SLC7A8: variants seen among roughly 807,000 people sequenced by gnomAD.
SLC7A8 encodes solute carrier family 7 member 8.
SLC7A8 carries 30 observed loss-of-function variants against 51.2 expected under a neutral mutation model. The observed-to-expected ratio is 0.59, with a 90% CI of 0.44 to 0.80. SLC7A8 has a LOEUF of 0.80. Ranked by LOEUF, SLC7A8 falls within the 30% of genes least tolerant of loss-of-function variation. The pLI is 0.00. For synonymous variants in SLC7A8, 257 were observed against 275.8 expected (o/e 0.93, Z 0.67); for missense variants, 612 against 674.4 (o/e 0.91, Z 1.03).
rs977109813 is a variant in SLC7A8 at position 23,128,464 on chromosome 14, G to A, written c.1264-268C>T. ...CCTCCTTGCCCATGTCCTCGCTCTT[G>A]GGTGTGGTTAGACAAGGCCTCATCA... is the stretch of plus-strand genomic sequence containing the variant. On this transcript the variant is annotated intron_variant, in intron 9 of 10. Transcript: ENST00000316902. This position sits in a 1 kb window ranked among gnomAD's most constrained non-coding sequence, Gnocchi z 4.3. 1.7e-6 allele frequency: 2 copies of A among 1,177,278 alleles called. No homozygotes were observed. Among genetic ancestry groups the A allele is most frequent in the Middle Eastern group, 2.0e-4 (1 of 4,992 alleles). The allele number at this position is 1,177,278 out of a possible 1,614,324, so 72.9% of individuals were successfully genotyped here.
rs2048566431 is a variant in SLC7A8 at position 23,125,400 on chromosome 14, C to T, written c.*1777G>A. 6.6e-6 allele frequency: 1 copy of T among 152,378 alleles called. No homozygotes were observed. The highest frequency in any genetic ancestry group is 2.1e-4 in the South Asian group (1 of 4,828). The allele number at this position is 152,378 out of a possible 1,614,324, so 9.4% of individuals were successfully genotyped here. A position where few individuals can be genotyped will look rare whatever the true frequency, so the allele number is the denominator to read the frequency against. On this transcript the variant is annotated 3_prime_UTR_variant, in exon 11 of 11. Transcript: ENST00000316902. The stretch of plus-strand genomic sequence containing the variant: ...AAAGAAATTATCATTAAGGTTCTAA[C>T]TCCATCCCCCAAAACAACCTTACAT...
chr14:23,141,106 G>A (rs35038963), intron 4 of SLC7A8, among the ~76,000 whole-genome samples: 2,724 of 46,558 alleles, frequency 0.059, 47 homozygotes, highest in Non-Finnish European at 0.22. Context: ...AACATAGTGA[G>A]ACTCCCATCT....
Position 23,165,705 on chromosome 14 carries a change from C to T in SLC7A8, c.357-269G>A, listed in dbSNP as rs2048946295. Among the ~76,000 whole-genome samples the T allele has an allele frequency of 6.6e-6, 1 of 152,154 alleles. No homozygotes were observed. The highest frequency in any genetic ancestry group is 2.4e-5 in the African/African-American group (1 of 41,442). On this transcript the variant is annotated intron_variant, in intron 2 of 10. Transcript: ENST00000316902. This position sits in a 1 kb window ranked among gnomAD's most constrained non-coding sequence, Gnocchi z 4.2. ...CATGATCTCTTCTCCATCACTGTGG[C>T]CACCAGCATCCAATGGTGGAAAAAC...
chr14:23,170,508 A>G (rs1021947564), intron 1 of SLC7A8, among the ~76,000 whole-genome samples: 1 of 151,800 alleles, frequency 6.6e-6, no homozygotes, highest in South Asian at 2.1e-4. Context: ...ACCCAGGCTG[A>G]AGTGCAGTGG....
At chr14:23,155,359 C>A (rs1327588763) in intron 3 of SLC7A8, 7 of 1,517,862 alleles carry the variant, frequency 4.6e-6, no homozygotes, top group Non-Finnish European at 6.2e-6. Flanking sequence ...ACTGCCCCAT[C>A]CCCTCCCCTC....
At chr14:23,150,339 A>C (rs2048835189) in intron 3 of SLC7A8, among the ~76,000 whole-genome samples, 1 of 152,132 alleles carries the variant, frequency 6.6e-6, no homozygotes, top group African/African-American at 2.4e-5. Context: ...TCGGGCGTGG[A>C]ACAAGTGAAC....
At position 23,126,498 on chromosome 14, in the gene SLC7A8, T is replaced by G. The variant is rs1594812460; in HGVS notation, c.*679A>C. 6.5e-6 allele frequency: 1 copy of G among 153,008 alleles called. No homozygotes were observed. 9.5% of individuals were successfully genotyped at this position (153,008 alleles called of 1,614,324 possible). On this transcript the variant is annotated 3_prime_UTR_variant, in exon 11 of 11. Transcript: ENST00000316902. The stretch of plus-strand genomic sequence containing the variant: ...TGCAGGAGGCAGGGGCAGGGCTGGG[T>G]TTCTGCAATCTGAACCTTTCTCAAT...
At chr14:23,130,190 G>A (rs2048619603) in intron 8 of SLC7A8, 1 of 166,194 alleles carries the variant, frequency 6.0e-6, no homozygotes, top group Admixed American at 6.1e-5. Context: ...AGGGAAGATT[G>A]TTAACAACAG....
chr14:23,131,940 A>G (rs55971090), intron 7 of SLC7A8, among the ~76,000 whole-genome samples: 1,638 of 151,798 alleles, frequency 0.011, 30 homozygotes, highest in African/African-American at 0.038. Flanking sequence ...TCCTCAAAGG[A>G]TGCAGATTCC....
At chr14:23,166,587 C>T (rs775139222) in intron 1 of SLC7A8, 47 bp from the exon 2 acceptor site, 57 of 1,600,482 alleles carry the variant, frequency 3.6e-5, no homozygotes, top group South Asian at 8.8e-5. Context: ...AGAGACAGGA[C>T]GGTTGGCAGG....
intron 7 of SLC7A8, among the ~76,000 whole-genome samples, chr14:23,131,999 A>ATTTTTTTTTTTTTTTTTTTTTTTTTT (rs1201371313): frequency 1.0e-5 from 1 of 98,196 alleles, no homozygotes. Context: ...AAAACACTCT[A>ATTTTTTTTTTTTTTTTTTTTTTTTTT]TTTTTTTTTT....
chr14:23,135,478 G>A (rs1310840950), intron 7 of SLC7A8, among the ~76,000 whole-genome samples: 2 of 150,882 alleles, frequency 1.3e-5, no homozygotes, highest in Non-Finnish European at 3.0e-5. Flanking sequence ...TGAGGCGGGC[G>A]GATCACGAGG....
intron 3 of SLC7A8, chr14:23,155,323 A>T (rs773959234): frequency 5.2e-6 from 8 of 1,535,284 alleles, no homozygotes; most frequent in Non-Finnish European, 8.7e-7. Context: ...CTTTTACCAA[A>T]CACTTCCAGC....
intron 4 of SLC7A8, among the ~76,000 whole-genome samples, chr14:23,141,344 C>T (rs903055930): frequency 1.3e-5 from 2 of 152,206 alleles, no homozygotes; most frequent in East Asian, 1.9e-4. Context: ...GAACAACAAA[C>T]ACTCAAACAT....
At chr14:23,141,708 C>T (rs2048747066) in intron 4 of SLC7A8, among the ~76,000 whole-genome samples, 1 of 152,218 alleles carries the variant, frequency 6.6e-6, no homozygotes, top group Non-Finnish European at 1.5e-5. Context: ...CCTGCATTGG[C>T]CTCCCAAAGT....
chr14:23,153,856 T>C (rs2048868465), intron 3 of SLC7A8, among the ~76,000 whole-genome samples: 1 of 152,124 alleles, frequency 6.6e-6, no homozygotes, highest in Non-Finnish European at 1.5e-5. Flanking sequence ...CACTCCTCCT[T>C]GTCTGTTCAG....
At chr14:23,170,861 G>T (rs1566373442) in intron 1 of SLC7A8, among the ~76,000 whole-genome samples, 1 of 151,920 alleles carries the variant, frequency 6.6e-6, no homozygotes, top group Non-Finnish European at 1.5e-5. Context: ...AAGTAGCTAG[G>T]ACTATGGGTG....
At position 23,139,616 on chromosome 14, in the gene SLC7A8, G is replaced by T. The variant is rs2048724323; in HGVS notation, c.789-69C>A. ...CACCCGCCTTGCCATGGAGTCCAGG[G>T]GGTGTCTTCTGTCTTTCTGCATGCG... On this transcript the variant is annotated intron_variant, in intron 5 of 10. Transcript: ENST00000316902. The T allele has an allele frequency of 3.2e-6, 5 of 1,548,384 alleles. No homozygotes were observed. In the Admixed American group the frequency reaches 7.7e-5, roughly 24 times the overall value.
intron 1 of SLC7A8, among the ~76,000 whole-genome samples, chr14:23,180,018 G>A (rs1215506577): frequency 6.6e-6 from 1 of 150,524 alleles, no homozygotes; most frequent in Non-Finnish European, 1.5e-5. Context: ...CAATTCTCCT[G>A]CCTCAGCCTC....
Sources: allele counts gnomAD v4.1 joint callset (sites outside exome capture counted in the v4.1 genomes callset), GRCh38; gene constraint gnomAD v4.1.1; non-coding constraint Gnocchi (gnomAD v3.1); transcripts MANE v1.5; gene names NCBI Gene and HGNC (gene_info 2026-07-23, HGNC 2026-07-21).